ATP2B1: variants seen among roughly 807,000 people sequenced by gnomAD.
ATP2B1 encodes the protein ATPase plasma membrane Ca2+ transporting 1, also known as plasma membrane calcium-transporting ATPase 1.
Under a neutral mutation model 124.2 loss-of-function variants are expected in ATP2B1, and 14 were observed. That is an observed-to-expected ratio of 0.11 (90% confidence interval 0.07 to 0.18). The LOEUF is 0.18. Ranked by LOEUF, ATP2B1 falls within the 10% of genes least tolerant of loss-of-function variation. The probability of loss-of-function intolerance (pLI) is 1.00; values close to 1 mark genes in which losing one functional copy is unlikely to be tolerated. For missense variants in ATP2B1, 763 were observed against 1,466.1 expected, an observed-to-expected ratio of 0.52 and a Z score of 7.83; for synonymous variants, 449 against 492.4, an observed-to-expected ratio of 0.91 and a Z score of 1.17.
chr12:89,686,766 T>C (rs1268095388), intron 1 of ATP2B1, among the ~76,000 whole-genome samples: 1 of 152,112 alleles, frequency 6.6e-6, no homozygotes, highest in Non-Finnish European at 1.5e-5. Flanking sequence ...TTCATGTATA[T>C]GGTGTATAAA....
Position 89,698,332 on chromosome 12 carries a change from C to T in ATP2B1, c.-222+10264G>A, listed in dbSNP as rs546859848. On this transcript the variant is annotated intron_variant, in intron 1 of 20. Coordinates refer to ENST00000428670, the MANE Select transcript of ATP2B1 (RefSeq NM_001366521.1). The stretch of plus-strand genomic sequence containing the variant: ...AGCAATAACAAGAACTACTAATATA[C>T]ACAACATGGATGAAACTCAATTATG... Among the ~76,000 whole-genome samples the T allele has an allele frequency of 3.9e-5, 6 of 152,294 alleles. No homozygotes were observed. In the South Asian group the frequency reaches 8.3e-4, roughly 21 times the overall value.
At chr12:89,697,519 G>T (rs921645507) in intron 1 of ATP2B1, among the ~76,000 whole-genome samples, 1 of 152,054 alleles carries the variant, frequency 6.6e-6, no homozygotes, top group Non-Finnish European at 1.5e-5. Context: ...TATCTAAATT[G>T]CACAAGACTG....
chr12:89,683,416 C>T (rs866365161), intron 1 of ATP2B1, among the ~76,000 whole-genome samples: 4 of 152,154 alleles, frequency 2.6e-5, no homozygotes, highest in African/African-American at 7.2e-5. Flanking sequence ...GCCCACTCTT[C>T]GGATATGCCC....
chr12:89,665,070 C>T (rs892153038), intron 1 of ATP2B1, among the ~76,000 whole-genome samples: 2 of 152,072 alleles, frequency 1.3e-5, no homozygotes, highest in African/African-American at 4.8e-5. Context: ...ACTCCGTGAT[C>T]TGCCCGCCTC....
intron 1 of ATP2B1, among the ~76,000 whole-genome samples, chr12:89,680,392 A>G (rs926766437): frequency 6.6e-6 from 1 of 152,212 alleles, no homozygotes; most frequent in African/African-American, 2.4e-5. Flanking sequence ...AGGAAGAAAT[A>G]CAATGACACC....
chr12:89,597,549 G>GA (rs1295811167), intron 20 of ATP2B1, among the ~76,000 whole-genome samples: 2 of 152,116 alleles, frequency 1.3e-5, no homozygotes, highest in African/African-American at 2.4e-5. Flanking sequence ...GCATTAAGTG[G>GA]AAAGTCTGCA....
At chr12:89,613,294 T>G (rs1467196130) in intron 12 of ATP2B1, among the ~76,000 whole-genome samples, 1 of 152,224 alleles carries the variant, frequency 6.6e-6, no homozygotes, top group Non-Finnish European at 1.5e-5. Context: ...GGTACCATGT[T>G]TTAAAACATG....
intron 1 of ATP2B1, among the ~76,000 whole-genome samples, chr12:89,690,949 A>C (rs1441607142): frequency 6.6e-6 from 1 of 152,162 alleles, no homozygotes. Flanking sequence ...ATTTTCCATC[A>C]ATCTTTGGGT....
intron 1 of ATP2B1, among the ~76,000 whole-genome samples, chr12:89,685,375 C>A (rs752142884): frequency 1.4e-4 from 21 of 152,148 alleles, no homozygotes; most frequent in Non-Finnish European, 2.6e-4. Flanking sequence ...TTTCCCACTG[C>A]AATCCCTCTG....
intron 20 of ATP2B1, among the ~76,000 whole-genome samples, chr12:89,595,056 T>C (rs147148603): frequency 6.2e-4 from 95 of 152,206 alleles, no homozygotes; most frequent in African/African-American, 2.2e-3. Context: ...TGTGTAATGT[T>C]CTTATCTATC....
chr12:89,676,179 G>C (rs1336133457), intron 1 of ATP2B1, among the ~76,000 whole-genome samples: 1 of 152,116 alleles, frequency 6.6e-6, no homozygotes, highest in Non-Finnish European at 1.5e-5. Context: ...GAGGCTCTGG[G>C]AAGTACAGAT....
At chr12:89,682,918 A>G (rs751014512) in intron 1 of ATP2B1, among the ~76,000 whole-genome samples, 1 of 152,218 alleles carries the variant, frequency 6.6e-6, no homozygotes, top group Non-Finnish European at 1.5e-5. Context: ...TGGAGAAAAT[A>G]TTACCAATAT....
rs373078343 is a variant in ATP2B1, at chr12:89,655,725, T to G, written c.162A>C (p.Gly54=). 7 of 1,614,028 alleles carry G rather than the reference T, an allele frequency of 4.3e-6. No individual in the cohort carries two copies. Among genetic ancestry groups the G allele is most frequent in the Non-Finnish European group, 5.9e-6 (7 of 1,180,014 alleles). Reference sequence around the variant, plus strand: ...ATTTGGTGCAAATTCCATAGACATCTCCATAGCTTTCCTGTATTTTTCGTA... The same window carrying G: ...ATTTGGTGCAAATTCCATAGACATCGCCATAGCTTTCCTGTATTTTTCGTA... ...DALRKIQESY[G]DVYGICTKLK... is the part of the protein sequence containing the mutation. The change falls in exon 2 of 21, where the codon GGA becomes GGC. Residue 54 remains glycine, a synonymous_variant. Transcript: ENST00000428670.
intron 1 of ATP2B1, among the ~76,000 whole-genome samples, chr12:89,676,671 T>G (rs1354750694): frequency 2.0e-5 from 3 of 152,068 alleles, no homozygotes; most frequent in Non-Finnish European, 4.4e-5. Flanking sequence ...TATGCAAAGT[T>G]TGGGGAATGC....
chr12:89,634,666 T>A (rs1882405292), intron 5 of ATP2B1, 112 bp downstream of exon 5: 1 of 1,207,958 alleles, frequency 8.3e-7, no homozygotes. Flanking sequence ...GAAGGTAGCA[T>A]AAAATACAGA....
chr12:89,619,889 CCT>C, intron 11 of ATP2B1, 108 bp downstream of exon 11: 1 of 1,386,752 alleles, frequency 7.2e-7, no homozygotes, highest in Admixed American at 2.2e-5. Context: ...ACTCTGAGGT[CCT>C]ATCAAATGCC....
intron 10 of ATP2B1, among the ~76,000 whole-genome samples, chr12:89,620,815 T>C (rs1879837686): frequency 6.6e-6 from 1 of 152,152 alleles, no homozygotes; most frequent in Non-Finnish European, 1.5e-5. Context: ...TTAAAGAAGG[T>C]AGCTCAGACT....
chr12:89,675,002 T>C (rs890036696), intron 1 of ATP2B1, among the ~76,000 whole-genome samples: 2 of 152,196 alleles, frequency 1.3e-5, no homozygotes, highest in African/African-American at 4.8e-5. Context: ...ATGCTAAGAT[T>C]AGCCAAAATC....
intron 13 of ATP2B1, 76 bp downstream of exon 13, chr12:89,611,117 A>G (rs2136003262): frequency 2.2e-6 from 3 of 1,353,846 alleles, no homozygotes; most frequent in African/African-American, 1.5e-5. Context: ...TGCATATTCA[A>G]TATGTGTTTG....
Sources: gnomAD v4.1 joint callset for allele counts (sites outside exome capture counted in the v4.1 genomes callset) on GRCh38, gnomAD v4.1.1 for gene constraint, MANE v1.5 for transcripts, NCBI Gene and HGNC (gene_info 2026-07-23, HGNC 2026-07-21) for gene names.